Variants in MRAP2 observed in about 807,000 individuals in gnomAD.
MRAP2 encodes the protein melanocortin 2 receptor accessory protein 2.
MRAP2 carries 20 observed loss-of-function variants against 17.4 expected under a neutral mutation model. The observed-to-expected ratio is 1.15, with a 90% confidence interval of 0.81 to 1.67. The LOEUF (loss-of-function observed/expected upper bound fraction) is 1.67. MRAP2 is among the 40% of genes most tolerant of loss of function. The pLI is 0.00. For missense variants in MRAP2, 238 were observed against 240.0 expected, an observed-to-expected ratio of 0.99 and a Z score of 0.05; for synonymous variants, 96 against 88.4, an observed-to-expected ratio of 1.09 and a Z score of -0.48.
At chr6:84,117,642 GGTGTGTGTCTGT>G in the MRAP2 span, among the ~76,000 whole-genome samples, 135 of 140,964 alleles carry the variant, frequency 9.6e-4, no homozygotes, top group African/African-American at 2.9e-3. Flanking sequence ...TTGGATGTGG[GGTGTGTGTCTGT>G]GTGTGTGTGT....
chr6:84,116,530 AG>A, the MRAP2 span, among the ~76,000 whole-genome samples: 1 of 152,228 alleles, frequency 6.6e-6, no homozygotes, highest in Admixed American at 6.5e-5. Flanking sequence ...TGTCTTCATC[AG>A]CAGTGTGAGA....
intron 2 of MRAP2, among the ~76,000 whole-genome samples, chr6:84,061,579 G>C (rs555935373): frequency 1.2e-3 from 185 of 152,348 alleles, no homozygotes; most frequent in Middle Eastern, 6.8e-3. Context: ...TTAGTAGATA[G>C]TGTAGCGGAT....
At chr6:84,067,730 GTTTTTTT>G (rs57643473) in intron 3 of MRAP2, among the ~76,000 whole-genome samples, 39 of 125,634 alleles carry the variant, frequency 3.1e-4, no homozygotes, top group Admixed American at 2.8e-3. Flanking sequence ...GGATGGAATT[GTTTTTTT>G]TTTTTTTTTT....
chr6:84,064,527 A>T (rs561299030), intron 3 of MRAP2, among the ~76,000 whole-genome samples: 6 of 151,886 alleles, frequency 4.0e-5, no homozygotes, highest in Admixed American at 3.3e-4. Flanking sequence ...TTGCTCTGTC[A>T]CCCAGGCTGG....
In MRAP2 at chr6:84,049,787, C is replaced by T. The variant is rs547214326; in HGVS notation, c.-7-5525C>T. Among the ~76,000 whole-genome samples the T allele has an allele frequency of 6.6e-5, 10 of 152,212 alleles. 1 individual carries two copies. In the South Asian group the frequency reaches 1.9e-3, roughly 28 times the overall value. On this transcript the variant is annotated intron_variant, in intron 1 of 3. Coordinates refer to ENST00000257776, the MANE Select transcript of MRAP2 (RefSeq NM_138409.4). ...GCTGGAAACAAGTTGCTTATGTGCA[C>T]AGGAGAAGGGGGGATAGGCAGGAAA...
the MRAP2 span, among the ~76,000 whole-genome samples, chr6:84,109,635 G>T: frequency 6.6e-6 from 1 of 151,914 alleles, no homozygotes; most frequent in Non-Finnish European, 1.5e-5. Flanking sequence ...AAGTTCTGGG[G>T]TACATGTGCA....
At chr6:84,040,084 T>A (rs1227465753) in intron 1 of MRAP2, among the ~76,000 whole-genome samples, 1 of 152,148 alleles carries the variant, frequency 6.6e-6, no homozygotes, top group African/African-American at 2.4e-5. Flanking sequence ...ATAATCCCCA[T>A]GTGTCGTGGG....
At chr6:84,076,933 G>A (rs535419782) in intron 3 of MRAP2, among the ~76,000 whole-genome samples, 2 of 152,316 alleles carry the variant, frequency 1.3e-5, no homozygotes, top group African/African-American at 4.8e-5. Context: ...TGTCTTCAGG[G>A]TCACAGAGGT....
chr6:84,132,903 G>A, the MRAP2 span, among the ~76,000 whole-genome samples: 1 of 152,072 alleles, frequency 6.6e-6, no homozygotes, highest in Non-Finnish European at 1.5e-5. Flanking sequence ...CAGCTGGCAA[G>A]GAGCTGTGTT....
intron 1 of MRAP2, among the ~76,000 whole-genome samples, chr6:84,036,487 G>A (rs1055232726): frequency 2.6e-5 from 4 of 151,968 alleles, no homozygotes; most frequent in Admixed American, 6.6e-5. Context: ...TCTGATGTTC[G>A]GACGTGTTTG....
chr6:84,039,274 TC>T (rs1174827776), intron 1 of MRAP2, among the ~76,000 whole-genome samples: 7 of 152,212 alleles, frequency 4.6e-5, no homozygotes, highest in African/African-American at 1.7e-4. Context: ...TTTTCAGACA[TC>T]AGCATAGCAA....
At chr6:84,033,393 A>AT (rs2099485046), upstream of MRAP2, among the ~76,000 whole-genome samples, 1 of 151,696 alleles carries the variant, frequency 6.6e-6, no homozygotes. Flanking sequence ...GCAGCACATT[A>AT]TGGGGGGGCT....
At chr6:84,092,170 A>C (rs551753767), downstream of MRAP2, among the ~76,000 whole-genome samples, 10 of 152,166 alleles carry the variant, frequency 6.6e-5, 1 homozygote, top group East Asian at 7.7e-4. Flanking sequence ...GACCTTTGTG[A>C]TTACATTGGG....
intron 3 of MRAP2, chr6:84,063,229 TC>T: frequency 2.0e-6 from 2 of 985,428 alleles, no homozygotes; most frequent in Non-Finnish European, 2.4e-6. Context: ...CTTGGTCCTT[TC>T]CTACAGTCTT....
intron 3 of MRAP2, 35 bp from the exon 4 acceptor site, chr6:84,089,056 G>A: frequency 6.4e-7 from 1 of 1,569,494 alleles, no homozygotes; most frequent in South Asian, 1.2e-5. Flanking sequence ...ATGGGCTGGA[G>A]TGTAAGCAGT....
rs2099490161 is a variant in MRAP2, at chr6:84,050,513, AG to A, written c.-7-4797del. Among the ~76,000 whole-genome samples, 8 of 152,296 alleles carry A rather than the reference AG, an allele frequency of 5.3e-5. No individual in the cohort carries two copies. In the South Asian group the frequency reaches 1.7e-3, roughly 32 times the overall value. ...GGGTGCACCATTGTTCTGTGCAAGGAGGAAATTAAGCTTCTAAAGTTGCGAT... is the reference window on the plus strand; with the variant it reads ...GGGTGCACCATTGTTCTGTGCAAGGAGAAATTAAGCTTCTAAAGTTGCGAT... On this transcript the variant is annotated intron_variant, in intron 1 of 3. Transcript: ENST00000257776.
At chr6:84,136,625 C>G in the MRAP2 span, among the ~76,000 whole-genome samples, 17 of 152,108 alleles carry the variant, frequency 1.1e-4, no homozygotes, top group African/African-American at 3.6e-4. Context: ...TTAGAATGTT[C>G]CTTGACAGCA....
At chr6:84,129,724 T>C in the MRAP2 span, among the ~76,000 whole-genome samples, 1 of 152,148 alleles carries the variant, frequency 6.6e-6, no homozygotes, top group African/African-American at 2.4e-5. Flanking sequence ...TTTTGGTGTT[T>C]TAGTCATGAA....
chr6:84,057,905 T>C (rs1447784475), intron 2 of MRAP2, among the ~76,000 whole-genome samples: 1 of 151,796 alleles, frequency 6.6e-6, no homozygotes, highest in Non-Finnish European at 1.5e-5. Context: ...CTGAAGGAAG[T>C]GAGAGATTGA....
Sources: gnomAD v4.1 joint callset for allele counts (sites outside exome capture counted in the v4.1 genomes callset) on GRCh38, gnomAD v4.1.1 for gene constraint, MANE v1.5 for transcripts, NCBI Gene and HGNC (gene_info 2026-07-23, HGNC 2026-07-21) for gene names.